RPS6KC1: variants seen among roughly 807,000 people sequenced by gnomAD.
The protein encoded by RPS6KC1 is inactive ribosomal protein S6 kinase delta-1.
In RPS6KC1, 54 loss-of-function variants were observed where a neutral mutation model predicts 103.8. The ratio of observed to expected loss-of-function variants is 0.52; its 90% CI spans 0.42 to 0.65. RPS6KC1 has a LOEUF of 0.65. Ranked by LOEUF, RPS6KC1 falls within the 30% of genes least tolerant of loss-of-function variation. The pLI, the probability that RPS6KC1 is intolerant of heterozygous loss-of-function variation, is 0.00. For synonymous variants in RPS6KC1, 439 were observed against 438.7 expected (o/e 1.00, Z -0.01); for missense variants, 1,151 against 1,253.8 (o/e 0.92, Z 1.24).
chr1:213,721,046 A>T, the RPS6KC1 span, among the ~76,000 whole-genome samples: 4 of 152,354 alleles, frequency 2.6e-5, no homozygotes, highest in South Asian at 8.3e-4. Context: ...TGTTTTATCC[A>T]TGGTAGTGGG....
the RPS6KC1 span, among the ~76,000 whole-genome samples, chr1:213,389,247 A>T: frequency 6.6e-6 from 1 of 152,194 alleles, no homozygotes; most frequent in African/African-American, 2.4e-5. Flanking sequence ...TAGGGGTATT[A>T]AAAAGACAGG....
the RPS6KC1 span, among the ~76,000 whole-genome samples, chr1:213,438,868 A>T: frequency 7.1e-6 from 1 of 141,548 alleles, no homozygotes; most frequent in Admixed American, 7.9e-5. Context: ...ATCTTGGCTC[A>T]CTGCAAGCTC....
At chr1:213,287,707 C>T in the RPS6KC1 span, among the ~76,000 whole-genome samples, 6 of 152,248 alleles carry the variant, frequency 3.9e-5, no homozygotes, top group Admixed American at 6.5e-5. Context: ...TTTTAGCATG[C>T]GGTATCCCTG....
At chr1:213,566,414 T>C in the RPS6KC1 span, among the ~76,000 whole-genome samples, 1 of 147,056 alleles carries the variant, frequency 6.8e-6, no homozygotes, top group Non-Finnish European at 1.5e-5. Context: ...TCTTTTTCAA[T>C]TCTTGGAACT....
chr1:213,153,953 G>A (rs2089564543), intron 6 of RPS6KC1, among the ~76,000 whole-genome samples: 1 of 152,178 alleles, frequency 6.6e-6, no homozygotes, highest in Non-Finnish European at 1.5e-5. Context: ...GATCTAAGCT[G>A]TTTCTGCTTT....
chr1:213,213,136 G>A (rs2093561135), intron 8 of RPS6KC1, among the ~76,000 whole-genome samples: 1 of 152,128 alleles, frequency 6.6e-6, no homozygotes, highest in South Asian at 2.1e-4. Context: ...TCTCAGAAAA[G>A]TCATCACCAT....
the RPS6KC1 span, among the ~76,000 whole-genome samples, chr1:213,313,899 G>A: frequency 9.9e-5 from 15 of 152,148 alleles, no homozygotes; most frequent in Non-Finnish European, 1.8e-4. Flanking sequence ...CTTGCAGTGA[G>A]CCGAGATGGC....
intron 1 of RPS6KC1, among the ~76,000 whole-genome samples, chr1:213,064,083 G>A (rs1045750755): frequency 1.3e-5 from 2 of 152,132 alleles, no homozygotes; most frequent in African/African-American, 4.8e-5. Flanking sequence ...TTGAGACGGA[G>A]TTTCACTTGG....
chr1:213,388,440 G>A, the RPS6KC1 span, among the ~76,000 whole-genome samples: 1 of 152,240 alleles, frequency 6.6e-6, no homozygotes, highest in Non-Finnish European at 1.5e-5. Context: ...AGCCACTCAG[G>A]TGGGGGCCTG....
chr1:213,292,176 A>C, the RPS6KC1 span, among the ~76,000 whole-genome samples: 1 of 152,088 alleles, frequency 6.6e-6, no homozygotes, highest in Admixed American at 6.5e-5. Flanking sequence ...GATGCAGCAC[A>C]CCAGCATGGC....
the RPS6KC1 span, among the ~76,000 whole-genome samples, chr1:213,852,711 C>T: frequency 6.6e-6 from 1 of 152,120 alleles, no homozygotes; most frequent in Non-Finnish European, 1.5e-5. Context: ...ACAACATAAT[C>T]GTAGCTCCCA....
chr1:213,709,227 A>G, the RPS6KC1 span, among the ~76,000 whole-genome samples: 5 of 152,094 alleles, frequency 3.3e-5, no homozygotes, highest in Non-Finnish European at 7.4e-5. Context: ...TCAATTTCAG[A>G]ACTTGGTATT....
the RPS6KC1 span, among the ~76,000 whole-genome samples, chr1:213,583,312 T>G: frequency 6.6e-6 from 1 of 152,224 alleles, no homozygotes; most frequent in Admixed American, 6.5e-5. Flanking sequence ...AAGTGTTTGT[T>G]TAGTTTTATA....
At chr1:213,329,008 C>T in the RPS6KC1 span, among the ~76,000 whole-genome samples, 1 of 152,102 alleles carries the variant, frequency 6.6e-6, no homozygotes, top group Non-Finnish European at 1.5e-5. Context: ...GCCCCCTAAC[C>T]AGGGCGTGGT....
the RPS6KC1 span, among the ~76,000 whole-genome samples, chr1:213,336,465 G>A: frequency 6.6e-6 from 1 of 152,190 alleles, no homozygotes; most frequent in Non-Finnish European, 1.5e-5. Context: ...TTGTTGTTAA[G>A]AGAAAGGCTT....
chr1:213,512,953 A>G, the RPS6KC1 span, among the ~76,000 whole-genome samples: 1 of 152,204 alleles, frequency 6.6e-6, no homozygotes, highest in African/African-American at 2.4e-5. Context: ...TTTTTTACCT[A>G]TGGTAGGAAG....
the RPS6KC1 span, among the ~76,000 whole-genome samples, chr1:213,499,178 T>G: frequency 1.3e-5 from 2 of 152,308 alleles, no homozygotes; most frequent in South Asian, 4.1e-4. Flanking sequence ...CACTTGTATT[T>G]TGTAATTGTT....
chr1:213,398,312 G>T, the RPS6KC1 span, among the ~76,000 whole-genome samples: 2 of 151,130 alleles, frequency 1.3e-5, no homozygotes, highest in Admixed American at 6.6e-5. Flanking sequence ...CTCCCAAAGT[G>T]CTAGGATTAC....
At chr1:213,495,766 A>G in the RPS6KC1 span, among the ~76,000 whole-genome samples, 1 of 152,218 alleles carries the variant, frequency 6.6e-6, no homozygotes. Context: ...TTTCTTTTAT[A>G]AAAGGCTGAT....
Sources: allele counts gnomAD v4.1 joint callset (sites outside exome capture counted in the v4.1 genomes callset), GRCh38; gene constraint gnomAD v4.1.1; transcripts MANE v1.5; gene names NCBI Gene and HGNC (gene_info 2026-07-23, HGNC 2026-07-21).